RBFOX1: variants seen among roughly 807,000 people sequenced by gnomAD.
RBFOX1 encodes RNA binding protein fox-1 homolog 1.
In RBFOX1, 8 loss-of-function variants were observed where a neutral mutation model predicts 57.7. The observed-to-expected ratio is 0.14, with a 90% CI of 0.08 to 0.25. The LOEUF is 0.25. Ranked by LOEUF, RBFOX1 falls within the 10% of genes least tolerant of loss-of-function variation. The pLI is 1.00. For synonymous variants in RBFOX1, 326 were observed against 222.4 expected, an observed-to-expected ratio of 1.47 and a Z score of -4.15; for missense variants, 611 against 548.5, an observed-to-expected ratio of 1.11 and a Z score of -1.14.
At chr16:7,548,641 G>C (rs901923022) in intron 5 of RBFOX1, among the ~76,000 whole-genome samples, 4 of 152,176 alleles carry the variant, frequency 2.6e-5, no homozygotes, top group Admixed American at 2.6e-4. Flanking sequence ...GAGCGGGGGG[G>C]CAGTCAAACA....
chr16:7,403,225 C>T (rs1000921499), intron 4 of RBFOX1, among the ~76,000 whole-genome samples: 8 of 152,110 alleles, frequency 5.3e-5, no homozygotes, highest in African/African-American at 1.2e-4. Flanking sequence ...CTCAGAGTTC[C>T]GTTTTTTGGT....
chr16:7,198,523 A>G lies in RBFOX1; in HGVS notation c.27+146425A>G, dbSNP rs943089092. Among the ~76,000 whole-genome samples, 60 of 152,194 alleles carry G rather than the reference A, an allele frequency of 3.9e-4. 2 individuals are homozygous for G. On this transcript the variant is annotated intron_variant, in intron 4 of 15. Transcript: ENST00000550418. ...GTTTGTTTTGTGTTTTTGTAACAGA[A>G]TATCTAAGACTGGGTAACTTAAAAG...
intron 4 of RBFOX1, among the ~76,000 whole-genome samples, chr16:7,067,518 TTTTC>T (rs2153765726): frequency 6.6e-6 from 1 of 151,860 alleles, no homozygotes; most frequent in Admixed American, 6.6e-5. Context: ...GAGGTCCCTG[TTTTC>T]TTTTTTTGTT....
chr16:7,417,359 C>T (rs112042356), intron 4 of RBFOX1, among the ~76,000 whole-genome samples: 4,138 of 125,236 alleles, frequency 0.033, 209 homozygotes, highest in African/African-American at 0.12. Context: ...GGCAACAGAG[C>T]GAGACTCTGT....
At chr16:7,190,732 C>G (rs1277450614) in intron 4 of RBFOX1, among the ~76,000 whole-genome samples, 1 of 152,152 alleles carries the variant, frequency 6.6e-6, no homozygotes, top group African/African-American at 2.4e-5. Context: ...CCTGGCCTTG[C>G]ATGGTTCTAG....
chr16:5,868,077 G>A (rs2057385048), intron 4 of RBFOX1, among the ~76,000 whole-genome samples: 1 of 152,088 alleles, frequency 6.6e-6, no homozygotes, highest in Non-Finnish European at 1.5e-5. Context: ...GACAACATAG[G>A]TAAAGAATAA....
chr16:6,150,245 C>G (rs1335318020), intron 1 of RBFOX1, among the ~76,000 whole-genome samples: 4 of 152,130 alleles, frequency 2.6e-5, no homozygotes, highest in Non-Finnish European at 4.4e-5. Context: ...ACCTGAGGTC[C>G]TCAATTTTGG....
rs907944082 is a variant in RBFOX1, at chr16:5,323,972, G to A, written c.219+83867G>A. 3.3e-5 allele frequency among the ~76,000 whole-genome samples: 5 copies of A among 152,282 alleles called. No individual in the cohort carries two copies. The South Asian group carries it at 6.2e-4, about 19-fold the overall frequency. On this transcript the variant is annotated intron_variant, in intron 1 of 2. Transcript: ENST00000585867. ...TTTTTGGTGAGCTGTCATATTACAC[G>A]TGTATAGTGCTTAATGATTTTGAAA... is the stretch of plus-strand genomic sequence containing the variant.
Position 5,639,223 on chromosome 16 carries a change from C to T in RBFOX1, c.318+40262C>T, listed in dbSNP as rs1242726037. On this transcript the variant is annotated intron_variant, in intron 3 of 19. Transcript: ENST00000641259. Reference sequence around the variant, plus strand: ...GTTCTAGAATTGTGTGCACACATTTCATCTATGTACGTAAGGGAATGCCCC... The same window carrying T: ...GTTCTAGAATTGTGTGCACACATTTTATCTATGTACGTAAGGGAATGCCCC... Among the ~76,000 whole-genome samples, 4 of 152,300 alleles carry T rather than the reference C, an allele frequency of 2.6e-5. No homozygotes were observed. The East Asian group carries it at 5.8e-4, about 22-fold the overall frequency.
chr16:7,192,097 AAG>A (rs1393299948), intron 4 of RBFOX1, among the ~76,000 whole-genome samples: 1 of 152,078 alleles, frequency 6.6e-6, no homozygotes, highest in Admixed American at 6.5e-5. Flanking sequence ...AAACCAGAGA[AAG>A]GGGGATAAAA....
intron 10 of RBFOX1, among the ~76,000 whole-genome samples, chr16:7,619,167 C>T (rs533687861): frequency 6.6e-6 from 1 of 151,888 alleles, no homozygotes; most frequent in East Asian, 1.9e-4. Flanking sequence ...GTATTAAACC[C>T]AGTATCATTT....
intron 4 of RBFOX1, among the ~76,000 whole-genome samples, chr16:7,355,447 G>T (rs918567242): frequency 9.9e-5 from 15 of 152,088 alleles, no homozygotes; most frequent in Admixed American, 2.0e-4. Flanking sequence ...ACCTGCTAAC[G>T]ATTTGGAGTG....
chr16:5,263,396 A>T (rs1438168816), intron 1 of RBFOX1, among the ~76,000 whole-genome samples: 1 of 152,214 alleles, frequency 6.6e-6, no homozygotes, highest in African/African-American at 2.4e-5. Context: ...ATGAAGATCA[A>T]CAAAGTTTGG....
intron 3 of RBFOX1, among the ~76,000 whole-genome samples, chr16:6,971,648 A>G (rs539867426): frequency 2.5e-4 from 38 of 152,224 alleles, no homozygotes; most frequent in Admixed American, 9.2e-4. Flanking sequence ...AAACATTCCA[A>G]TTAGGAAGCC....
At chr16:6,600,920 C>T (rs753136474) in intron 2 of RBFOX1, among the ~76,000 whole-genome samples, 1 of 152,130 alleles carries the variant, frequency 6.6e-6, no homozygotes, top group Non-Finnish European at 1.5e-5. Context: ...TAAACAAAGT[C>T]CCTCAGGTGA....
chr16:7,698,627 G>A (rs911051174), intron 14 of RBFOX1, among the ~76,000 whole-genome samples: 2 of 152,138 alleles, frequency 1.3e-5, no homozygotes, highest in East Asian at 1.9e-4. Context: ...CCTTCAGCAA[G>A]TCTCATCTAA....
At chr16:5,608,964 C>T (rs865964328) in intron 3 of RBFOX1, among the ~76,000 whole-genome samples, 2 of 152,206 alleles carry the variant, frequency 1.3e-5, no homozygotes, top group Non-Finnish European at 2.9e-5. Context: ...TTTCTTCCCC[C>T]CATATCCATT....
rs200393762 is a variant in RBFOX1, at chr16:7,507,561, C to CTTTTTTTT, written c.28-10583_28-10582insTTTTTTTT. 1.5e-3 allele frequency among the ~76,000 whole-genome samples: 180 copies of CTTTTTTTT among 122,914 alleles called. 4 individuals are homozygous for CTTTTTTTT. The highest frequency in any genetic ancestry group is 1.8e-3 in the African/African-American group (62 of 34,608). The allele number at this position is 122,914 out of a possible 152,430, so 80.6% of individuals were successfully genotyped here. A position where few individuals can be genotyped will look rare whatever the true frequency, so the allele number is the denominator to read the frequency against. On this transcript the variant is annotated intron_variant, in intron 4 of 15. Transcript: ENST00000550418. ...TTGGAACGTGATTTTTTTTTTCTTT[C>CTTTTTTTT]TTTCTTTTTTTTTTTTTTTTGAGAC...
At chr16:7,476,127 A>G (rs1295066916) in intron 4 of RBFOX1, among the ~76,000 whole-genome samples, 1 of 152,026 alleles carries the variant, frequency 6.6e-6, no homozygotes, top group Non-Finnish European at 1.5e-5. Context: ...CACCACACCC[A>G]GCAAATTTTT....
Sources: allele counts gnomAD v4.1 joint callset (sites outside exome capture counted in the v4.1 genomes callset), GRCh38; gene constraint gnomAD v4.1.1; transcripts MANE v1.5; gene names NCBI Gene and HGNC (gene_info 2026-07-23, HGNC 2026-07-21).